CENPS: variants seen among roughly 807,000 people sequenced by gnomAD.
The protein encoded by CENPS is FANCM associated histone fold protein 1.
CENPS carries 16 observed loss-of-function variants against 17.9 expected under a neutral mutation model. The observed-to-expected ratio is 0.90, with a 90% CI of 0.61 to 1.36. The LOEUF (loss-of-function observed/expected upper bound fraction) is 1.36, where lower values mean the gene tolerates loss of function less well. Ranked by LOEUF, CENPS falls within the 40% of genes most tolerant of loss-of-function variation. The pLI, the probability that CENPS is intolerant of heterozygous loss-of-function variation, is 0.00. For missense variants in CENPS, 160 were observed against 158.6 expected (o/e 1.01, Z -0.05); for synonymous variants, 49 against 55.8 (o/e 0.88, Z 0.54).
Position 10,436,677 on chromosome 1 carries a change from G to T in CENPS, c.209+1987G>T, listed in dbSNP as rs1358809356. On this transcript the variant is annotated intron_variant, in intron 3 of 4. Transcript: ENST00000309048. ...GTCGAGATCGTGCCCCTTCACTCCA[G>T]CCTGGGTGACAGAGTGAGACTCTGT... Among the ~76,000 whole-genome samples, 14 of 147,814 alleles carry T rather than the reference G, an allele frequency of 9.5e-5. 1 individual carries two copies. Among genetic ancestry groups the T allele is most frequent in the African/African-American group, 3.5e-4 (14 of 39,546 alleles).
At position 10,442,290 on chromosome 1, in the gene CENPS, A is replaced by G; in HGVS notation, c.302A>G (p.Glu101Gly). The change falls in exon 5 of 5, where the codon GAA becomes GGA. Residue 101 changes from glutamate to glycine, a missense_variant. Coordinates refer to ENST00000309048, the MANE Select transcript of CENPS (RefSeq NM_199294.3). ...SLLKYITDKS[E>G]EIAQINLERK... ...CTAAAATACATCACAGACAAAAGTG[A>G]AGAGATTGCTCAGATTAACCTAGAA... 6.3e-7 allele frequency: 1 copy of G among 1,596,458 alleles called. No individual in the cohort carries two copies.
intron 1 of CENPS, among the ~76,000 whole-genome samples, chr1:10,432,368 A>AGATT (rs1639959181): frequency 6.6e-6 from 1 of 152,208 alleles, no homozygotes; most frequent in Non-Finnish European, 1.5e-5. Flanking sequence ...TACAGGTGTG[A>AGATT]ACCACTGTGC....
chr1:10,433,150 C>T (rs537164376), intron 1 of CENPS, among the ~76,000 whole-genome samples: 36 of 152,292 alleles, frequency 2.4e-4, no homozygotes, highest in African/African-American at 6.7e-4. Flanking sequence ...AGAACTCTGT[C>T]GACACGTGGC....
intron 4 of CENPS, among the ~76,000 whole-genome samples, chr1:10,441,429 C>A (rs1052713094): frequency 6.6e-6 from 1 of 150,628 alleles, no homozygotes; most frequent in African/African-American, 2.4e-5. Flanking sequence ...ATACTTTCAC[C>A]TTAGCCTCTC....
At chr1:10,432,865 G>A (rs563492722) in intron 1 of CENPS, among the ~76,000 whole-genome samples, 7 of 152,208 alleles carry the variant, frequency 4.6e-5, no homozygotes, top group South Asian at 4.1e-4. Context: ...TGTGATCTTC[G>A]TGCCTCCCAG....
intron 3 of CENPS, among the ~76,000 whole-genome samples, chr1:10,436,994 TC>T (rs1640194089): frequency 6.6e-6 from 1 of 152,208 alleles, no homozygotes; most frequent in African/African-American, 2.4e-5. Context: ...ATTTGAGTTG[TC>T]CCTGTCACAC....
chr1:10,436,383 G>C (rs1420003242), intron 3 of CENPS, among the ~76,000 whole-genome samples: 1 of 151,800 alleles, frequency 6.6e-6, no homozygotes, highest in Non-Finnish European at 1.5e-5. Flanking sequence ...AGCTCCACAA[G>C]GAAGGGCGAC....
chr1:10,432,438 C>CT (rs1450371645), intron 1 of CENPS, among the ~76,000 whole-genome samples: 5 of 152,194 alleles, frequency 3.3e-5, no homozygotes, highest in Non-Finnish European at 5.9e-5. Context: ...CAAATGCTTA[C>CT]TGATGAAGCT....
intron 3 of CENPS, 141 bp downstream of exon 3, chr1:10,434,831 C>T: frequency 8.1e-7 from 1 of 1,232,800 alleles, no homozygotes; most frequent in Non-Finnish European, 1.1e-6. Flanking sequence ...CATGGTTCTG[C>T]AAGAACATGA....
intron 3 of CENPS, 67 bp from the exon 4 acceptor site, chr1:10,440,277 ACTT>A (rs1433682265): frequency 8.2e-6 from 13 of 1,578,058 alleles, no homozygotes; most frequent in Non-Finnish European, 1.7e-6. Flanking sequence ...CTGACCGTGA[ACTT>A]CTGTGTTTCA....
In CENPS at chr1:10,430,584, G is replaced by C. The variant is rs1241452075; in HGVS notation, c.51+16G>C. The C allele has an allele frequency of 6.5e-7, 1 of 1,533,458 alleles. No individual in the cohort carries two copies. Among genetic ancestry groups the C allele is most frequent in the Non-Finnish European group, 8.8e-7 (1 of 1,140,590 alleles). The allele number at this position is 1,533,458 out of a possible 1,614,324, so 95.0% of individuals were successfully genotyped here. ...TTACCAACAGGTACAGGAAAACGGGGGTCGGGCTGGGCTGGGGCAGGACGG... is the reference window on the plus strand; with the variant it reads ...TTACCAACAGGTACAGGAAAACGGGCGTCGGGCTGGGCTGGGGCAGGACGG... On this transcript the variant is annotated intron_variant, in intron 1 of 4. Coordinates refer to ENST00000309048, the MANE Select transcript of CENPS (RefSeq NM_199294.3).
At chr1:10,431,347 C>T (rs928469217) in intron 1 of CENPS, 2 of 1,535,238 alleles carry the variant, frequency 1.3e-6, no homozygotes, top group African/African-American at 1.4e-5. Flanking sequence ...CAGCTGTCTA[C>T]CCTGCCCCTT....
Position 10,436,717 on chromosome 1 carries a change from A to AAAAAG in CENPS, c.209+2042_209+2046dup, listed in dbSNP as rs1332550417. On this transcript the variant is annotated intron_variant, in intron 3 of 4. Coordinates refer to ENST00000309048, the MANE Select transcript of CENPS (RefSeq NM_199294.3). The stretch of plus-strand genomic sequence containing the variant: ...TGAGACTCTGTCTCTTTAAAAAAAA[A>AAAAAG]AAAAGAAAAGAAAAGAAAAAAAAAA... Among the ~76,000 whole-genome samples the AAAAAG allele has an allele frequency of 3.0e-4, 36 of 120,240 alleles. 1 individual carries two copies. Among genetic ancestry groups the AAAAAG allele is most frequent in the Non-Finnish European group, 5.7e-4 (33 of 57,500 alleles). 78.9% of individuals were successfully genotyped at this position (120,240 alleles called of 152,430 possible).
chr1:10,434,821 C>T, intron 3 of CENPS, 131 bp downstream of exon 3: 2 of 1,285,582 alleles, frequency 1.6e-6, no homozygotes, highest in Non-Finnish European at 2.1e-6. Context: ...TGTCTCTAAT[C>T]ATGGTTCTGC....
Position 10,440,425 on chromosome 1 carries a change from A to G in CENPS, c.276+12A>G. On this transcript the variant is annotated intron_variant, in intron 4 of 4. Transcript: ENST00000309048. ...GGAGTAATTCACTGGTGAGAGATGA[A>G]TTTCTTTCCTCACTCCCCTTTCCCA... The G allele has an allele frequency of 6.2e-7, 1 of 1,613,630 alleles. No homozygotes were observed. Among genetic ancestry groups the G allele is most frequent in the Non-Finnish European group, 8.5e-7 (1 of 1,179,870 alleles).
chr1:10,431,721 G>T (rs1176457861), intron 1 of CENPS, among the ~76,000 whole-genome samples: 1 of 152,036 alleles, frequency 6.6e-6, no homozygotes, highest in Non-Finnish European at 1.5e-5. Flanking sequence ...GAGTGTGGTG[G>T]CAGGTGCCTG....
chr1:10,437,171 T>G (rs536963405), intron 3 of CENPS, among the ~76,000 whole-genome samples: 1 of 152,296 alleles, frequency 6.6e-6, no homozygotes, highest in South Asian at 2.1e-4. Flanking sequence ...TTCTTTTTTT[T>G]TCTTGAGACA....
In CENPS at chr1:10,441,973, T is replaced by C. The variant is rs186022062; in HGVS notation, c.277-292T>C. On this transcript the variant is annotated intron_variant, in intron 4 of 4. Transcript: ENST00000309048. ...CAACTTATTGGCTAGGTGTAGTGGCTCATGCCAATAATCCCAGAACTTTGG... is the reference window on the plus strand; with the variant it reads ...CAACTTATTGGCTAGGTGTAGTGGCCCATGCCAATAATCCCAGAACTTTGG... 3.8e-3 allele frequency among the ~76,000 whole-genome samples: 578 copies of C among 152,192 alleles called. 3 individuals are homozygous for C. Among genetic ancestry groups the C allele is most frequent in the Admixed American group, 0.015 (224 of 15,276 alleles).
intron 1 of CENPS, among the ~76,000 whole-genome samples, chr1:10,432,492 T>C (rs1639965062): frequency 6.6e-6 from 1 of 152,140 alleles, no homozygotes; most frequent in South Asian, 2.1e-4. Flanking sequence ...GTGATTAGCT[T>C]GTAGACGATT....
Sources: gnomAD v4.1 joint callset for allele counts (sites outside exome capture counted in the v4.1 genomes callset) on GRCh38, gnomAD v4.1.1 for gene constraint, MANE v1.5 for transcripts, NCBI Gene and HGNC (gene_info 2026-07-23, HGNC 2026-07-21) for gene names.